The following CABCOCO1 variants were observed in gnomAD, a reference collection of about 807,000 sequenced individuals.
CABCOCO1 encodes the protein ciliary associated calcium binding coiled-coil 1.
Under a neutral mutation model 35.7 loss-of-function variants are expected in CABCOCO1, and 28 were observed. The observed-to-expected ratio is 0.78, with a 90% CI of 0.58 to 1.07. The LOEUF (loss-of-function observed/expected upper bound fraction) is 1.07. Among genes scored for constraint, CABCOCO1 ranks in the 50% least tolerant of loss-of-function variants. CABCOCO1 has a pLI of 0.00. For synonymous variants in CABCOCO1, 95 were observed against 100.1 expected (o/e 0.95, Z 0.30); for missense variants, 326 against 309.2 (o/e 1.05, Z -0.41).
chr10:61,688,886 C>T (rs2131991490), intron 4 of CABCOCO1, among the ~76,000 whole-genome samples: 1 of 152,304 alleles, frequency 6.6e-6, no homozygotes, highest in South Asian at 2.1e-4. Flanking sequence ...TCCCATGTAG[C>T]ACCACCTAAT....
intron 5 of CABCOCO1, among the ~76,000 whole-genome samples, chr10:61,699,630 G>A (rs1055674416): frequency 1.6e-4 from 25 of 151,718 alleles, no homozygotes; most frequent in Admixed American, 3.9e-4. Flanking sequence ...TCATAGCTTC[G>A]TCTGAGAGAC....
chr10:61,744,710 C>T (rs1841619822), intron 5 of CABCOCO1, among the ~76,000 whole-genome samples: 1 of 152,116 alleles, frequency 6.6e-6, no homozygotes, highest in South Asian at 2.1e-4. Flanking sequence ...ACCTATTGTC[C>T]TCAAAAGGAG....
chr10:61,730,950 C>T (rs552280540), intron 5 of CABCOCO1, among the ~76,000 whole-genome samples: 1 of 151,600 alleles, frequency 6.6e-6, no homozygotes, highest in Non-Finnish European at 1.5e-5. Flanking sequence ...GGCTGAGGAA[C>T]TCTTGTAAAT....
rs182426134 is a variant in CABCOCO1, at chr10:61,724,659, A to G, written c.552+34038A>G. 6.1e-3 allele frequency among the ~76,000 whole-genome samples: 926 copies of G among 152,362 alleles called. 5 individuals are homozygous for G. Among genetic ancestry groups the G allele is most frequent in the Non-Finnish European group, 9.9e-3 (675 of 68,032 alleles). On this transcript the variant is annotated intron_variant, in intron 5 of 7. Coordinates refer to ENST00000648843, the MANE Select transcript of CABCOCO1 (RefSeq NM_001366906.2). ...AATGTCTCATCAGCCACAAAGGAAAAGATGGATAATTGTAAAACATCAAAA... is the reference window on the plus strand; with the variant it reads ...AATGTCTCATCAGCCACAAAGGAAAGGATGGATAATTGTAAAACATCAAAA...
chr10:61,704,930 C>A (rs1212642607), intron 5 of CABCOCO1, among the ~76,000 whole-genome samples: 3 of 148,990 alleles, frequency 2.0e-5, no homozygotes, highest in Admixed American at 6.7e-5. Context: ...AAAAAAAAAA[C>A]AAAACAGTTC....
intron 2 of CABCOCO1, among the ~76,000 whole-genome samples, chr10:61,672,959 T>C (rs751711956): frequency 6.6e-6 from 1 of 152,188 alleles, no homozygotes; most frequent in Non-Finnish European, 1.5e-5. Flanking sequence ...AACTTACTAA[T>C]ATTTACCAAG....
rs564285121 is a variant in CABCOCO1, at chr10:61,737,368, C to T, written c.553-22691C>T. 1.4e-4 allele frequency among the ~76,000 whole-genome samples: 21 copies of T among 152,218 alleles called. No individual in the cohort carries two copies. In the South Asian group the frequency reaches 3.9e-3, roughly 29 times the overall value. On this transcript the variant is annotated intron_variant, in intron 5 of 7. Transcript: ENST00000648843. ...CTGTTGGTGGGAGTGTAAATTAGTT[C>T]AATCATTGTGGAAAGCAGTGTGGTG... is the stretch of plus-strand genomic sequence containing the variant.
intron 3 of CABCOCO1, chr10:61,684,900 A>T (rs988560197): frequency 5.3e-5 from 8 of 152,212 alleles, no homozygotes; most frequent in African/African-American, 1.9e-4. Flanking sequence ...AAGAAAATGG[A>T]ATTATATTTT....
intron 2 of CABCOCO1, among the ~76,000 whole-genome samples, chr10:61,676,383 A>G (rs1175087637): frequency 6.6e-6 from 1 of 152,216 alleles, no homozygotes; most frequent in East Asian, 1.9e-4. Flanking sequence ...TAAATCCAAT[A>G]TGGTAATAAT....
intron 5 of CABCOCO1, among the ~76,000 whole-genome samples, chr10:61,704,918 T>TA (rs369871627): frequency 8.1e-4 from 117 of 143,886 alleles, no homozygotes; most frequent in African/African-American, 1.5e-3. Context: ...GATTTCTGGT[T>TA]AAAAAAAAAA....
intron 2 of CABCOCO1, among the ~76,000 whole-genome samples, chr10:61,680,579 T>TATAC (rs1491157443): frequency 1.2e-5 from 1 of 82,596 alleles, no homozygotes; most frequent in Non-Finnish European, 2.1e-5. Context: ...TATATTATGT[T>TATAC]ATATATAACA....
chr10:61,740,769 T>C (rs1455723273), intron 5 of CABCOCO1, among the ~76,000 whole-genome samples: 1 of 152,158 alleles, frequency 6.6e-6, no homozygotes, highest in Non-Finnish European at 1.5e-5. Context: ...ACAATATAAA[T>C]GAGCAATGAA....
chr10:61,751,045 C>T (rs1355471815), intron 5 of CABCOCO1, among the ~76,000 whole-genome samples: 1 of 152,050 alleles, frequency 6.6e-6, no homozygotes. Context: ...TGACGAGAAA[C>T]TTCACAGAGT....
intron 5 of CABCOCO1, among the ~76,000 whole-genome samples, chr10:61,710,496 AG>A (rs1840707885): frequency 6.6e-6 from 1 of 151,988 alleles, no homozygotes; most frequent in Non-Finnish European, 1.5e-5. Context: ...TATGTTAATA[AG>A]GCATAAAATT....
intron 5 of CABCOCO1, among the ~76,000 whole-genome samples, chr10:61,738,172 G>A (rs1024428237): frequency 1.3e-5 from 2 of 151,874 alleles, no homozygotes; most frequent in African/African-American, 4.8e-5. Context: ...CACAACCAGT[G>A]GCTGAAAACC....
intron 5 of CABCOCO1, among the ~76,000 whole-genome samples, chr10:61,692,553 T>C (rs1840178204): frequency 6.6e-6 from 1 of 152,112 alleles, no homozygotes; most frequent in Non-Finnish European, 1.5e-5. Context: ...CTTTGTAATT[T>C]TCCTGATATT....
At chr10:61,748,206 A>G (rs1236392381) in intron 5 of CABCOCO1, among the ~76,000 whole-genome samples, 2 of 152,138 alleles carry the variant, frequency 1.3e-5, no homozygotes, top group Admixed American at 6.5e-5. Context: ...AAGAGACTAT[A>G]TAACAGGGGA....
chr10:61,723,321 AAT>A (rs1841067936), intron 5 of CABCOCO1, among the ~76,000 whole-genome samples: 1 of 152,240 alleles, frequency 6.6e-6, no homozygotes, highest in Admixed American at 6.5e-5. Context: ...CTAAAATACG[AAT>A]ATAAGAATAT....
chr10:61,746,689 G>A (rs1051750365), intron 5 of CABCOCO1, among the ~76,000 whole-genome samples: 5 of 152,110 alleles, frequency 3.3e-5, no homozygotes, highest in African/African-American at 1.2e-4. Flanking sequence ...AGAATGGTGT[G>A]ACAGGACTGG....
Sources: gnomAD v4.1 joint callset for allele counts (sites outside exome capture counted in the v4.1 genomes callset) on GRCh38, gnomAD v4.1.1 for gene constraint, MANE v1.5 for transcripts, NCBI Gene and HGNC (gene_info 2026-07-23, HGNC 2026-07-21) for gene names.